The following STAT5A variants were observed in gnomAD, a reference collection of about 807,000 sequenced individuals.
STAT5A encodes epididymis secretory sperm binding protein.
STAT5A carries 26 observed loss-of-function variants against 100.2 expected under a neutral mutation model. The ratio of observed to expected loss-of-function variants is 0.26; its 90% confidence interval spans 0.19 to 0.36. The LOEUF is 0.36. STAT5A is among the 10% of genes least tolerant of loss of function. The pLI is 1.00. For synonymous variants in STAT5A, 330 were observed against 424.3 expected, an observed-to-expected ratio of 0.78 and a Z score of 2.73; for missense variants, 634 against 1,027.5, an observed-to-expected ratio of 0.62 and a Z score of 5.24.
chr17:42,306,550 C>T, intron 13 of STAT5A, 103 bp downstream of exon 13: 9 of 1,510,786 alleles, frequency 6.0e-6, no homozygotes, highest in Non-Finnish European at 6.3e-6. Context: ...CCACTCTCCA[C>T]CCCCAACCAC....
chr17:42,289,040 C>T (rs1362685676), intron 1 of STAT5A, among the ~76,000 whole-genome samples: 2 of 152,238 alleles, frequency 1.3e-5, no homozygotes, highest in Admixed American at 6.5e-5. Context: ...CCGAGGTGGG[C>T]TGGGGGATCC....
upstream of STAT5A, chr17:42,288,295 G>C (rs943175837): frequency 1.3e-5 from 2 of 152,166 alleles, no homozygotes; most frequent in South Asian, 2.1e-4. This position sits in a 1 kb window ranked among gnomAD's most constrained non-coding sequence, Gnocchi z 4.8. Context: ...CCCCGCCGTC[G>C]GGGCAGCCCC....
chr17:42,304,238 G>T lies in STAT5A; in HGVS notation c.1170-104G>T. ...TCTTAGGGGATACGGGGCAGGGGCT[G>T]CTGGCAGGGCTGACCTGAGCGAAGA... On this transcript the variant is annotated intron_variant, in intron 9 of 18. Coordinates refer to ENST00000590949, the MANE Select transcript of STAT5A (RefSeq NM_001288718.2). This position sits in a 1 kb window ranked among gnomAD's most constrained non-coding sequence, Gnocchi z 4.8. The T allele has an allele frequency of 1.9e-6, 2 of 1,067,468 alleles. No individual in the cohort carries two copies. The highest frequency in any genetic ancestry group is 2.0e-5 in the Admixed American group (1 of 49,858). The allele number at this position is 1,067,468 out of a possible 1,614,324, so 66.1% of individuals were successfully genotyped here.
intron 14 of STAT5A, 22 bp downstream of exon 14, chr17:42,307,518 G>A (rs199698546): frequency 6.2e-7 from 1 of 1,614,096 alleles, no homozygotes; most frequent in Middle Eastern, 1.6e-4. Context: ...GGGCTGCAGG[G>A]TCAGGGGCCA....
At chr17:42,294,084 C>T (rs576194152) in intron 4 of STAT5A, among the ~76,000 whole-genome samples, 20 of 152,102 alleles carry the variant, frequency 1.3e-4, no homozygotes, top group South Asian at 4.2e-4. Flanking sequence ...GGCGTGGTGG[C>T]GGGCGCCTGT....
intron 7 of STAT5A, 121 bp from the exon 8 acceptor site, chr17:42,300,594 A>G: frequency 2.3e-6 from 2 of 883,378 alleles, no homozygotes; most frequent in East Asian, 2.6e-5. Context: ...TGCTCTTCCC[A>G]TGGGTGGGAA....
intron 5 of STAT5A, among the ~76,000 whole-genome samples, chr17:42,297,544 C>T (rs1377600242): frequency 7.2e-5 from 11 of 151,794 alleles, no homozygotes; most frequent in Non-Finnish European, 1.6e-4. Flanking sequence ...CCAGGGAAGG[C>T]TCAGCTGCCT....
chr17:42,292,522 G>A (rs984193495), intron 4 of STAT5A, among the ~76,000 whole-genome samples: 1 of 150,440 alleles, frequency 6.6e-6, no homozygotes. Context: ...CAGAGATGGG[G>A]TTTCACTGTG....
Position 42,296,804 on chromosome 17 carries a change from AT to A in STAT5A, c.550+1018del, listed in dbSNP as rs533572416. The stretch of plus-strand genomic sequence containing the variant: ...AGGTGCAGGCCACCACGCCCAGCTG[AT>A]TTTTTTAGAATTCTATTGTAGCTAT... On this transcript the variant is annotated intron_variant, in intron 5 of 18. Coordinates refer to ENST00000590949, the MANE Select transcript of STAT5A (RefSeq NM_001288718.2). Among the ~76,000 whole-genome samples the A allele has an allele frequency of 1.8e-4, 28 of 152,178 alleles. 1 individual carries two copies. The highest frequency in any genetic ancestry group is 1.7e-3 in the Admixed American group (26 of 15,274).
chr17:42,305,534 A>T, intron 11 of STAT5A, 76 bp from the exon 12 acceptor site: 1 of 1,174,706 alleles, frequency 8.5e-7, no homozygotes, highest in South Asian at 1.4e-5. Context: ...AAAATAAAGC[A>T]GATTGGGCAT....
intron 2 of STAT5A, 40 bp downstream of exon 2, chr17:42,289,579 A>C (rs1309950818): frequency 6.2e-7 from 1 of 1,602,318 alleles, no homozygotes; most frequent in Admixed American, 1.7e-5. Flanking sequence ...GAGGGTCCCT[A>C]CCATCCAGGC....
chr17:42,290,050 G>C lies in STAT5A; in HGVS notation c.285+28G>C, dbSNP rs1314122938. 3 of 1,576,064 alleles carry C rather than the reference G, an allele frequency of 1.9e-6. No individual in the cohort carries two copies. The African/African-American group carries it at 4.1e-5, about 21-fold the overall frequency. On this transcript the variant is annotated intron_variant, in intron 3 of 18. Coordinates refer to ENST00000590949, the MANE Select transcript of STAT5A (RefSeq NM_001288718.2). The stretch of plus-strand genomic sequence containing the variant: ...GGGTGTAGGCTCTGGGCCACCTACG[G>C]GGAGGAAGCATCATCTTGTTCCAGC...
At chr17:42,307,801 C>T (rs1374882180) in intron 15 of STAT5A, 78 bp downstream of exon 15, 11 of 1,571,150 alleles carry the variant, frequency 7.0e-6, no homozygotes, top group South Asian at 2.4e-5. Context: ...CACCCTCCAT[C>T]GGGCCTGTGT....
chr17:42,306,147 C>A lies in STAT5A; in HGVS notation c.1474-94C>A, dbSNP rs1265052825. 4 of 1,589,710 alleles carry A rather than the reference C, an allele frequency of 2.5e-6. No individual in the cohort carries two copies. The African/African-American group carries it at 4.0e-5, about 16-fold the overall frequency. ...GTCACCTTTCTGGATCTGTCTCAGTCTCCTCTGTCTCTAGGTGTCTGTGTA... is the reference window on the plus strand; with the variant it reads ...GTCACCTTTCTGGATCTGTCTCAGTATCCTCTGTCTCTAGGTGTCTGTGTA... On this transcript the variant is annotated intron_variant, in intron 12 of 18. Coordinates refer to ENST00000590949, the MANE Select transcript of STAT5A (RefSeq NM_001288718.2).
intron 12 of STAT5A, 128 bp downstream of exon 12, chr17:42,305,830 G>T: frequency 1.0e-6 from 1 of 969,776 alleles, no homozygotes. Context: ...GGTGAGGTGA[G>T]GCCAGAAGGG....
Position 42,307,694 on chromosome 17 carries a change from G to A in STAT5A, c.1877G>A (p.Gly626Asp). 1 of 1,614,042 alleles carries A rather than the reference G, an allele frequency of 6.2e-7. No individual in the cohort carries two copies. The highest frequency in any genetic ancestry group is 8.5e-7 in the Non-Finnish European group (1 of 1,180,000). ...LLRFSDSEIG[G>D]ITIAWKFDSP... ...CGCTTTAGTGACTCAGAAATCGGGGGCATCACCATCGCCTGGAAGTTTGAC... is the reference window on the plus strand; with the variant it reads ...CGCTTTAGTGACTCAGAAATCGGGGACATCACCATCGCCTGGAAGTTTGAC... Residue 626 changes from glycine to aspartate, a missense_variant, in exon 15 of 19, where the codon GGC becomes GAC. Physicochemically the swap from Gly to Asp is moderately conservative, Grantham distance 94. Transcript: ENST00000590949.
rs2081014071 is a variant in STAT5A at position 42,304,944 on chromosome 17, G to C, written c.1380+292G>C. ...GGACCAGGTGTGGTGGCTCTCACCT[G>C]TAATTCCAGCATTTTGGGAGGCAGA... On this transcript the variant is annotated intron_variant, in intron 11 of 18. Coordinates refer to ENST00000590949, the MANE Select transcript of STAT5A (RefSeq NM_001288718.2). The surrounding 1 kb of genome is among the most constrained non-coding windows in gnomAD (Gnocchi z 4.8). Among the ~76,000 whole-genome samples, 1 of 152,210 alleles carries C rather than the reference G, an allele frequency of 6.6e-6. No homozygotes were observed. The highest frequency in any genetic ancestry group is 2.4e-5 in the African/African-American group (1 of 41,454).
chr17:42,294,302 G>C (rs1440289831), intron 4 of STAT5A, among the ~76,000 whole-genome samples: 1 of 152,022 alleles, frequency 6.6e-6, no homozygotes, highest in African/African-American at 2.4e-5. Context: ...CCATCACAGA[G>C]CTATCTGCAA....
chr17:42,304,542 A>T lies in STAT5A; in HGVS notation c.1270A>T (p.Ile424Phe). The change falls in exon 11 of 19, where the codon ATC (isoleucine) becomes TTC (phenylalanine). Residue 424 changes from isoleucine (I) to phenylalanine (F), a missense_variant. Coordinates refer to ENST00000590949, the MANE Select transcript of STAT5A (RefSeq NM_001288718.2). The surrounding 1 kb of genome is among the most constrained non-coding windows in gnomAD (Gnocchi z 4.8). ...TCCCACCCTGCAGTCACTGAAGAGG[A>T]TCAAGCGTGCTGACCGGCGGGGTGC... ...AHFRNMSLKR[I>F]KRADRRGAES... 2.5e-6 allele frequency: 4 copies of T among 1,614,224 alleles called. No individual in the cohort carries two copies. The highest frequency in any genetic ancestry group is 3.4e-6 in the Non-Finnish European group (4 of 1,180,034).
Sources: gnomAD v4.1 joint callset for allele counts (sites outside exome capture counted in the v4.1 genomes callset) on GRCh38, gnomAD v4.1.1 for gene constraint, Gnocchi (gnomAD v3.1) non-coding constraint, MANE v1.5 for transcripts, NCBI Gene and HGNC (gene_info 2026-07-23, HGNC 2026-07-21) for gene names.